ITPR2: variants seen among roughly 807,000 people sequenced by gnomAD.
ITPR2 encodes the protein inositol 1,4,5-trisphosphate-gated calcium channel ITPR2.
A neutral mutation model predicts 317.1 loss-of-function variants in ITPR2; 207 were observed. That is an observed-to-expected ratio of 0.65 (90% CI 0.58 to 0.73). The LOEUF (loss-of-function observed/expected upper bound fraction) is 0.73, where lower values mean the gene tolerates loss of function less well. Among genes scored for constraint, ITPR2 ranks in the 30% least tolerant of loss-of-function variants. ITPR2 has a pLI of 0.00. For synonymous variants in ITPR2, 1,156 were observed against 1,149.1 expected (o/e 1.01, Z -0.12); for missense variants, 2,613 against 3,284.0 (o/e 0.80, Z 4.99).
intron 42 of ITPR2, among the ~76,000 whole-genome samples, chr12:26,481,989 C>T (rs1490126219): frequency 6.6e-6 from 1 of 152,086 alleles, no homozygotes; most frequent in Admixed American, 6.5e-5. Flanking sequence ...AACTTGCGAG[C>T]CAGATTTGTA....
chr12:26,694,891 A>G (rs1948309500), intron 10 of ITPR2, among the ~76,000 whole-genome samples: 1 of 152,208 alleles, frequency 6.6e-6, no homozygotes, highest in Admixed American at 6.5e-5. Context: ...TTTCTATCGT[A>G]AGCCTGGCAG....
At chr12:26,438,553 G>A (rs1306190321) in intron 47 of ITPR2, among the ~76,000 whole-genome samples, 3 of 152,222 alleles carry the variant, frequency 2.0e-5, no homozygotes, top group East Asian at 3.9e-4. Flanking sequence ...CCTAATAGAC[G>A]TGGGACCTAA....
chr12:26,386,113 T>G (rs1939657872), intron 55 of ITPR2, among the ~76,000 whole-genome samples: 1 of 152,116 alleles, frequency 6.6e-6, no homozygotes, highest in Non-Finnish European at 1.5e-5. Context: ...AAATATAATG[T>G]TTTACATGTT....
At chr12:26,782,821 T>TCAA (rs950210244) in intron 2 of ITPR2, among the ~76,000 whole-genome samples, 2 of 152,210 alleles carry the variant, frequency 1.3e-5, no homozygotes, top group Non-Finnish European at 2.9e-5. Flanking sequence ...GTTTCAGTCT[T>TCAA]CAACAACAAC....
intron 46 of ITPR2, among the ~76,000 whole-genome samples, chr12:26,440,761 T>A (rs10743584): frequency 0.91 from 137,928 of 152,078 alleles, 62,632 homozygotes; most frequent in Admixed American, 0.95. Context: ...CAAATATTTT[T>A]AAAAAATCTC....
At chr12:26,366,564 G>A (rs1006847168) in intron 55 of ITPR2, among the ~76,000 whole-genome samples, 6 of 152,026 alleles carry the variant, frequency 3.9e-5, no homozygotes, top group South Asian at 2.1e-4. Context: ...CTTTTAGGAT[G>A]GGAAGACTAA....
chr12:26,447,734 A>C (rs1941641384), intron 45 of ITPR2, among the ~76,000 whole-genome samples: 1 of 152,108 alleles, frequency 6.6e-6, no homozygotes, highest in African/African-American at 2.4e-5. Flanking sequence ...TGTGAAATGC[A>C]TAAAAATGAC....
intron 37 of ITPR2, among the ~76,000 whole-genome samples, chr12:26,523,899 G>T (rs1483484486): frequency 6.6e-6 from 1 of 152,220 alleles, no homozygotes. Context: ...ATAATCACAT[G>T]CTGTTGTTGG....
chr12:26,495,455 T>C (rs1942911177), intron 37 of ITPR2, 195 bp from the exon 38 acceptor site: 4 of 505,798 alleles, frequency 7.9e-6, no homozygotes, highest in Non-Finnish European at 1.4e-5. Context: ...CTTCTCATAA[T>C]AAATAAAGAG....
chr12:26,601,409 T>C (rs946523019), intron 28 of ITPR2, among the ~76,000 whole-genome samples: 6 of 152,234 alleles, frequency 3.9e-5, no homozygotes, highest in African/African-American at 1.4e-4. Context: ...ATGGGGCCTC[T>C]TGAAGAAATG....
At chr12:26,569,931 C>G (rs1313240031) in intron 34 of ITPR2, among the ~76,000 whole-genome samples, 1 of 152,140 alleles carries the variant, frequency 6.6e-6, no homozygotes, top group East Asian at 1.9e-4. Context: ...AGGTATTTAC[C>G]TTATTCACAT....
chr12:26,525,590 TA>T (rs1465770877), intron 37 of ITPR2, among the ~76,000 whole-genome samples: 2 of 152,224 alleles, frequency 1.3e-5, no homozygotes, highest in Non-Finnish European at 2.9e-5. Context: ...TGTTTGTTTT[TA>T]TTCTCCAAAT....
chr12:26,633,856 C>G (rs1170282697), intron 21 of ITPR2, among the ~76,000 whole-genome samples: 1 of 152,138 alleles, frequency 6.6e-6, no homozygotes, highest in East Asian at 1.9e-4. Flanking sequence ...TTATTCTTAC[C>G]CCTGATTCAC....
chr12:26,669,435 G>A (rs971229328), intron 13 of ITPR2, among the ~76,000 whole-genome samples: 6 of 152,146 alleles, frequency 3.9e-5, no homozygotes, highest in African/African-American at 1.4e-4. Context: ...TAAGTATTCA[G>A]ATTAAAAGTA....
At chr12:26,415,579 C>A in intron 50 of ITPR2, 81 bp from the exon 51 acceptor site, 1 of 980,684 alleles carries the variant, frequency 1.0e-6, no homozygotes, top group Non-Finnish European at 1.5e-6. Context: ...ATTACAAATA[C>A]AAATGCAAGC....
chr12:26,544,030 G>A (rs1017158478), intron 37 of ITPR2, among the ~76,000 whole-genome samples: 2 of 151,954 alleles, frequency 1.3e-5, no homozygotes, highest in African/African-American at 4.8e-5. Flanking sequence ...TTTTAAGGGG[G>A]AATTTTTTAA....
intron 45 of ITPR2, among the ~76,000 whole-genome samples, chr12:26,458,272 G>A (rs558881449): frequency 2.6e-5 from 4 of 152,286 alleles, no homozygotes; most frequent in South Asian, 2.1e-4. Context: ...AGGGCGGTAC[G>A]GGGGCCCAGG....
intron 1 of ITPR2, among the ~76,000 whole-genome samples, chr12:26,802,585 ATC>A (rs370231870): frequency 1.1e-4 from 1 of 9,412 alleles, no homozygotes; most frequent in Non-Finnish European, 2.6e-4. Flanking sequence ...ATATAGATAT[ATC>A]TATATATAGA....
Position 26,439,209 on chromosome 12 carries a change from A to G in ITPR2, c.6561T>C (p.Asp2187=). 1.2e-6 allele frequency: 2 copies of G among 1,613,162 alleles called. No individual in the cohort carries two copies. The highest frequency in any genetic ancestry group is 1.7e-4 in the Middle Eastern group (1 of 6,058). Residue 2187 remains aspartate, a synonymous_variant, in exon 47 of 57, where the codon GAT becomes GAC. Coordinates refer to ENST00000381340, the MANE Select transcript of ITPR2 (RefSeq NM_002223.4). ...KCRVFNTTER[D]EQGSKVNDFF... Reference sequence around the variant, plus strand: ...AGTCATTCACTTTACTTCCTTGTTCATCCCTTTCAGTTGTATTGAACACAC... The same window carrying G: ...AGTCATTCACTTTACTTCCTTGTTCGTCCCTTTCAGTTGTATTGAACACAC...
Sources: gnomAD v4.1 joint callset for allele counts (sites outside exome capture counted in the v4.1 genomes callset) on GRCh38, gnomAD v4.1.1 for gene constraint, MANE v1.5 for transcripts, NCBI Gene and HGNC (gene_info 2026-07-23, HGNC 2026-07-21) for gene names.